ERCC6L2: variants seen among roughly 807,000 people sequenced by gnomAD.
The protein encoded by ERCC6L2 is ERCC excision repair 6 like 2.
ERCC6L2 carries 77 observed loss-of-function variants against 132.0 expected under a neutral mutation model. That is an observed-to-expected ratio of 0.58 (90% CI 0.49 to 0.71). The LOEUF (loss-of-function observed/expected upper bound fraction) is 0.71, where lower values mean the gene tolerates loss of function less well. ERCC6L2 is among the 30% of genes least tolerant of loss of function. The pLI is 0.00. For synonymous variants in ERCC6L2, 583 were observed against 632.4 expected, an observed-to-expected ratio of 0.92 and a Z score of 1.17; for missense variants, 1,542 against 1,837.6, an observed-to-expected ratio of 0.84 and a Z score of 2.94.
At chr9:95,892,471 G>C (rs965806419) in intron 2 of ERCC6L2, among the ~76,000 whole-genome samples, 16 of 149,482 alleles carry the variant, frequency 1.1e-4, no homozygotes, top group African/African-American at 3.7e-4. Context: ...CCTCACCCAG[G>C]CTGGAGCGTG....
chr9:95,990,771 G>C (rs1193271805), intron 17 of ERCC6L2, among the ~76,000 whole-genome samples: 1 of 152,202 alleles, frequency 6.6e-6, no homozygotes, highest in Non-Finnish European at 1.5e-5. Flanking sequence ...TCTCCCATCC[G>C]GGGACAGCCA....
In ERCC6L2 at chr9:95,875,794, C is replaced by T; in HGVS notation, c.-245C>T. ...TGAACACCGCTTTGCCAGCCTCACA[C>T]AGCGTCCCCTGGCTCTGCCGCCGCT... is the stretch of plus-strand genomic sequence containing the variant. On this transcript the variant is annotated 5_prime_UTR_variant, in exon 1 of 19. Coordinates refer to ENST00000653738, the MANE Select transcript of ERCC6L2 (RefSeq NM_020207.7). 1.8e-6 allele frequency: 1 copy of T among 568,970 alleles called. No homozygotes were observed. Among genetic ancestry groups the T allele is most frequent in the Non-Finnish European group, 3.2e-6 (1 of 316,026 alleles). 35.2% of individuals were successfully genotyped at this position (568,970 alleles called of 1,614,324 possible).
chr9:96,004,759 C>T, intron 18 of ERCC6L2, 58 bp downstream of exon 18: 1 of 1,096,372 alleles, frequency 9.1e-7, no homozygotes, highest in Non-Finnish European at 1.2e-6. Context: ...AAATGTAGCT[C>T]ATTAGTAAAA....
chr9:96,036,506 T>C (rs1431257535), intron 19 of ERCC6L2, among the ~76,000 whole-genome samples: 1 of 152,204 alleles, frequency 6.6e-6, no homozygotes, highest in East Asian at 1.9e-4. Context: ...TTCAAGCGCC[T>C]GCTTGCCATG....
intron 17 of ERCC6L2, among the ~76,000 whole-genome samples, chr9:96,001,231 A>G (rs1232820120): frequency 6.6e-6 from 1 of 152,184 alleles, no homozygotes; most frequent in Non-Finnish European, 1.5e-5. Context: ...CGAAAGAACA[A>G]ATCTTCCACA....
chr9:96,018,264 A>G lies in ERCC6L2; in HGVS notation c.*5061A>G, dbSNP rs950728452. Reference sequence around the variant, plus strand: ...ATGTGTTTTACAATTTTAAAAATGGAAAAAAAGTAAGACCAAAAGCAACAC... The same window carrying G: ...ATGTGTTTTACAATTTTAAAAATGGGAAAAAAGTAAGACCAAAAGCAACAC... On this transcript the variant is annotated 3_prime_UTR_variant, in exon 19 of 19. Transcript: ENST00000653738. Among the ~76,000 whole-genome samples, 20 of 152,208 alleles carry G rather than the reference A, an allele frequency of 1.3e-4. No individual in the cohort carries two copies. Among genetic ancestry groups the G allele is most frequent in the Non-Finnish European group, 2.5e-4 (17 of 68,036 alleles).
chr9:95,907,336 GA>G, intron 4 of ERCC6L2, 65 bp downstream of exon 4: 3 of 610,046 alleles, frequency 4.9e-6, no homozygotes, highest in Non-Finnish European at 7.1e-6. Flanking sequence ...TTTATATTAA[GA>G]GTTTTTTTTT....
At chr9:95,959,853 G>A (rs1831818041) in intron 13 of ERCC6L2, among the ~76,000 whole-genome samples, 1 of 151,970 alleles carries the variant, frequency 6.6e-6, no homozygotes, top group African/African-American at 2.4e-5. Flanking sequence ...AGGAAGTTGG[G>A]ATCAGATTGA....
At chr9:95,943,397 T>C (rs1362150993) in intron 12 of ERCC6L2, among the ~76,000 whole-genome samples, 1 of 151,962 alleles carries the variant, frequency 6.6e-6, no homozygotes, top group Non-Finnish European at 1.5e-5. Flanking sequence ...GGGCAACAAC[T>C]AAAAGAGTGA....
chr9:95,889,414 G>T (rs1828042257), intron 2 of ERCC6L2, among the ~76,000 whole-genome samples: 1 of 152,034 alleles, frequency 6.6e-6, no homozygotes, highest in African/African-American at 2.4e-5. Flanking sequence ...TGTCTTTTCA[G>T]TAGCCTTTGA....
intron 2 of ERCC6L2, among the ~76,000 whole-genome samples, chr9:95,891,024 C>G (rs1386813929): frequency 6.6e-6 from 1 of 152,162 alleles, no homozygotes; most frequent in African/African-American, 2.4e-5. Flanking sequence ...ACCAGACTGA[C>G]CAACATGGAG....
At chr9:96,037,618 G>A (rs1323869510) in intron 19 of ERCC6L2, among the ~76,000 whole-genome samples, 1 of 152,154 alleles carries the variant, frequency 6.6e-6, no homozygotes, top group South Asian at 2.1e-4. Context: ...GGCACATGTC[G>A]AGGTAGAAGT....
At chr9:95,912,891 G>A (rs79686579) in intron 4 of ERCC6L2, among the ~76,000 whole-genome samples, 2 of 152,260 alleles carry the variant, frequency 1.3e-5, no homozygotes, top group East Asian at 3.9e-4. Flanking sequence ...TGGCCCAAAG[G>A]CTTAAATAGA....
At chr9:95,940,164 G>A (rs1830732048) in intron 11 of ERCC6L2, among the ~76,000 whole-genome samples, 1 of 152,160 alleles carries the variant, frequency 6.6e-6, no homozygotes, top group Non-Finnish European at 1.5e-5. Flanking sequence ...ATTATAGCCA[G>A]GCAAGGGTAG....
chr9:95,894,677 C>A (rs947763104), intron 2 of ERCC6L2, among the ~76,000 whole-genome samples: 2 of 149,172 alleles, frequency 1.3e-5, no homozygotes, highest in Non-Finnish European at 3.0e-5. Context: ...TCACCGCAAC[C>A]TCCACCTCCT....
At chr9:95,979,516 T>G (rs1419675197) in intron 17 of ERCC6L2, among the ~76,000 whole-genome samples, 2 of 152,186 alleles carry the variant, frequency 1.3e-5, no homozygotes, top group Non-Finnish European at 2.9e-5. Flanking sequence ...TGGTGTTTTT[T>G]GGGGACCGCA....
At chr9:95,964,167 G>A (rs1339016209) in intron 13 of ERCC6L2, among the ~76,000 whole-genome samples, 3 of 151,930 alleles carry the variant, frequency 2.0e-5, no homozygotes, top group African/African-American at 4.8e-5. Flanking sequence ...TTGTTGTTTG[G>A]CACTCTACCA....
At chr9:95,993,532 C>A (rs547994700) in intron 17 of ERCC6L2, among the ~76,000 whole-genome samples, 1 of 152,160 alleles carries the variant, frequency 6.6e-6, no homozygotes, top group African/African-American at 2.4e-5. Context: ...CCTGCTCCCC[C>A]CAATGCTGCC....
intron 2 of ERCC6L2, among the ~76,000 whole-genome samples, chr9:95,890,293 T>C (rs547370142): frequency 5.4e-4 from 83 of 152,360 alleles, no homozygotes; most frequent in Admixed American, 1.6e-3. Context: ...TTATAACTTA[T>C]ATTGCCTATA....
Sources: allele counts gnomAD v4.1 joint callset (sites outside exome capture counted in the v4.1 genomes callset), GRCh38; gene constraint gnomAD v4.1.1; transcripts MANE v1.5; gene names NCBI Gene and HGNC (gene_info 2026-07-23, HGNC 2026-07-21).